The following CACNA1C variants were observed in gnomAD, a reference collection of about 807,000 sequenced individuals.
CACNA1C encodes calcium voltage-gated channel subunit alpha1 C, also known as voltage-dependent L-type calcium channel subunit alpha-1C.
A neutral mutation model predicts 229.0 loss-of-function variants in CACNA1C; 30 were observed. The observed-to-expected ratio is 0.13, with a 90% CI of 0.10 to 0.18. The LOEUF is 0.18. CACNA1C is among the 10% of genes least tolerant of loss of function. The pLI is 1.00. For missense variants in CACNA1C, 1,658 were observed against 2,845.0 expected, an observed-to-expected ratio of 0.58 and a Z score of 9.49; for synonymous variants, 1,114 against 1,132.5, an observed-to-expected ratio of 0.98 and a Z score of 0.33.
chr12:2,445,975 C>T (rs1240543730), intron 3 of CACNA1C, among the ~76,000 whole-genome samples: 1 of 152,134 alleles, frequency 6.6e-6, no homozygotes, highest in Admixed American at 6.5e-5. Flanking sequence ...TTTGACAATG[C>T]AACTAGTTGT....
At chr12:2,454,917 G>T (rs1230481579) in intron 4 of CACNA1C, among the ~76,000 whole-genome samples, 2 of 152,290 alleles carry the variant, frequency 1.3e-5, no homozygotes, top group East Asian at 3.9e-4. Context: ...CTGACAATGC[G>T]CCTTCTCACT....
intron 24 of CACNA1C, among the ~76,000 whole-genome samples, chr12:2,606,043 AAGAG>A (rs1337514241): frequency 1.3e-5 from 2 of 152,008 alleles, no homozygotes; most frequent in East Asian, 1.9e-4. Flanking sequence ...TCCTTCTAGA[AAGAG>A]AGAGAGAGGG....
chr12:2,597,447 A>G lies in CACNA1C; in HGVS notation c.2853+158A>G, dbSNP rs1477159760. The G allele has an allele frequency of 6.2e-7, 1 of 1,610,260 alleles. No homozygotes were observed. The highest frequency in any genetic ancestry group is 1.7e-5 in the Admixed American group (1 of 60,012). On this transcript the variant is annotated intron_variant, in intron 21 of 46. Transcript: ENST00000399655. The surrounding 1 kb of genome is among the most constrained non-coding windows in gnomAD (Gnocchi z 4.3). ...ATGCTTATTTTTCAGATCCTAGGCA[A>G]TGCAGACTATGTCTTCACTAGTATC...
At chr12:1,987,926 T>G (rs1228440561) in intron 1 of CACNA1C, among the ~76,000 whole-genome samples, 2 of 152,350 alleles carry the variant, frequency 1.3e-5, no homozygotes, top group Non-Finnish European at 2.9e-5. Flanking sequence ...CACCAAACTC[T>G]TAAAAAGTAG....
intron 29 of CACNA1C, among the ~76,000 whole-genome samples, chr12:2,625,230 A>G (rs2085682599): frequency 6.6e-6 from 1 of 152,262 alleles, no homozygotes; most frequent in Non-Finnish European, 1.5e-5. Flanking sequence ...ACTTGCATAA[A>G]GCCTTCATGT....
At chr12:2,657,985 A>T in intron 34 of CACNA1C, among the ~76,000 whole-genome samples, 1 of 150,874 alleles carries the variant, frequency 6.6e-6, no homozygotes, top group East Asian at 1.9e-4. Flanking sequence ...ATACCAATAG[A>T]AGTATAAGGA....
At chr12:2,089,901 C>T (rs57926823) in intron 1 of CACNA1C, among the ~76,000 whole-genome samples, 3,430 of 151,998 alleles carry the variant, frequency 0.023, 113 homozygotes, top group African/African-American at 0.072. Context: ...TGGTGGCAGG[C>T]GCCTGTAGTC....
chr12:2,559,609 T>A (rs2046408193), intron 11 of CACNA1C, among the ~76,000 whole-genome samples: 2 of 152,232 alleles, frequency 1.3e-5, no homozygotes, highest in Non-Finnish European at 2.9e-5. Flanking sequence ...AGCTAGTAGA[T>A]TGGCACTATC....
At chr12:2,643,238 G>T (rs1381538437) in intron 30 of CACNA1C, among the ~76,000 whole-genome samples, 1 of 152,230 alleles carries the variant, frequency 6.6e-6, no homozygotes, top group Non-Finnish European at 1.5e-5. Context: ...ACAAAAGCCC[G>T]TGGGTTTCCG....
intron 1 of CACNA1C, chr12:2,020,157 T>C (rs1251002736): frequency 6.6e-6 from 1 of 152,256 alleles, no homozygotes; most frequent in Non-Finnish European, 1.5e-5. Flanking sequence ...TGCTCTTTGG[T>C]GGACAGCAAT....
At chr12:2,480,398 C>T (rs1330896172) in intron 5 of CACNA1C, among the ~76,000 whole-genome samples, 1 of 152,180 alleles carries the variant, frequency 6.6e-6, no homozygotes, top group African/African-American at 2.4e-5. Flanking sequence ...CTCGTGGTAC[C>T]CTATTCTGCT....
chr12:2,166,540 C>T (rs541816929), intron 3 of CACNA1C, among the ~76,000 whole-genome samples: 1 of 152,270 alleles, frequency 6.6e-6, no homozygotes, highest in East Asian at 1.9e-4. Context: ...TGCTCTCTGT[C>T]TAGTATGGTG....
At position 2,159,491 on chromosome 12, in the gene CACNA1C, C is replaced by CAATA. The variant is rs545096838; in HGVS notation, c.477+39081_477+39084dup. Among the ~76,000 whole-genome samples, 953 of 150,260 alleles carry CAATA rather than the reference C, an allele frequency of 6.3e-3. 8 individuals carry two copies. The highest frequency in any genetic ancestry group is 0.015 in the African/African-American group (607 of 40,810). On this transcript the variant is annotated intron_variant, in intron 3 of 46. Coordinates refer to ENST00000399655, the MANE Select transcript of CACNA1C (RefSeq NM_000719.7). ...CCTTGGGGACAGAGTGAGACCCTGTCAATAAATAAATAAATAAATAAATTA... is the reference window on the plus strand; with the variant it reads ...CCTTGGGGACAGAGTGAGACCCTGTCAATAAATAAATAAATAAATAAATAAATTA...
At chr12:2,327,421 T>C (rs2096363827) in intron 3 of CACNA1C, among the ~76,000 whole-genome samples, 2 of 152,214 alleles carry the variant, frequency 1.3e-5, no homozygotes, top group Admixed American at 6.5e-5. Context: ...CCCTTTCTAC[T>C]CAAAGAAAAT....
chr12:2,351,309 C>A (rs1015568515), intron 3 of CACNA1C, among the ~76,000 whole-genome samples: 2 of 152,206 alleles, frequency 1.3e-5, no homozygotes, highest in Admixed American at 6.5e-5. Context: ...CTGGGTTGAT[C>A]TGCTGTTCTA....
chr12:2,578,986 T>G (rs1243051882), intron 13 of CACNA1C, among the ~76,000 whole-genome samples: 4 of 152,032 alleles, frequency 2.6e-5, no homozygotes, highest in Non-Finnish European at 4.4e-5. Context: ...GGCCACAGCC[T>G]CCTCCTCCCT....
At chr12:2,106,890 C>G (rs867586418) in intron 1 of CACNA1C, among the ~76,000 whole-genome samples, 27 of 60,488 alleles carry the variant, frequency 4.5e-4, no homozygotes, top group Admixed American at 6.5e-4. Context: ...GCTGGGCATC[C>G]TGAAGCCACT....
chr12:1,996,523 G>C (rs1280080197), intron 1 of CACNA1C, among the ~76,000 whole-genome samples: 1 of 148,996 alleles, frequency 6.7e-6, no homozygotes, highest in African/African-American at 2.5e-5. Flanking sequence ...TATAAAGCAG[G>C]GGTGTCCAAT....
intron 3 of CACNA1C, among the ~76,000 whole-genome samples, chr12:2,360,788 A>G (rs560551299): frequency 1.4e-5 from 2 of 144,788 alleles, no homozygotes; most frequent in Non-Finnish European, 3.0e-5. Context: ...GAAGAGTATA[A>G]AGTAGATTCA....
Sources: allele counts gnomAD v4.1 joint callset (sites outside exome capture counted in the v4.1 genomes callset), GRCh38; gene constraint gnomAD v4.1.1; non-coding constraint Gnocchi (gnomAD v3.1); transcripts MANE v1.5; gene names NCBI Gene and HGNC (gene_info 2026-07-23, HGNC 2026-07-21).